PPP1R16B: variants seen among roughly 807,000 people sequenced by gnomAD.
The protein encoded by PPP1R16B is protein phosphatase 1 regulatory subunit 16B.
PPP1R16B carries 14 observed loss-of-function variants against 61.7 expected under a neutral mutation model. That is an observed-to-expected ratio of 0.23 (90% CI 0.15 to 0.35). The LOEUF is 0.35. Ranked by LOEUF, PPP1R16B falls within the 10% of genes least tolerant of loss-of-function variation. The pLI, the probability that PPP1R16B is intolerant of heterozygous loss-of-function variation, is 1.00. For synonymous variants in PPP1R16B, 266 were observed against 305.3 expected, an observed-to-expected ratio of 0.87 and a Z score of 1.34; for missense variants, 547 against 752.5, an observed-to-expected ratio of 0.73 and a Z score of 3.19.
At chr20:38,822,573 A>G (rs2084780100) in intron 1 of PPP1R16B, among the ~76,000 whole-genome samples, 1 of 150,764 alleles carries the variant, frequency 6.6e-6, no homozygotes, top group Non-Finnish European at 1.5e-5. Flanking sequence ...TGGTCCAGAA[A>G]GAGCTACTTT....
chr20:38,859,214 A>T (rs1391932181), intron 2 of PPP1R16B, among the ~76,000 whole-genome samples: 2 of 151,604 alleles, frequency 1.3e-5, no homozygotes, highest in South Asian at 4.2e-4. Flanking sequence ...TCTCTTGCTC[A>T]TGTGACAGCC....
At chr20:38,874,283 C>T (rs2085150898) in intron 2 of PPP1R16B, among the ~76,000 whole-genome samples, 1 of 152,152 alleles carries the variant, frequency 6.6e-6, no homozygotes, top group African/African-American at 2.4e-5. Flanking sequence ...GAAGACTGGG[C>T]CCTACATTCC....
chr20:38,831,646 C>G (rs1262128708), intron 1 of PPP1R16B, among the ~76,000 whole-genome samples: 1 of 152,222 alleles, frequency 6.6e-6, no homozygotes, highest in Non-Finnish European at 1.5e-5. Context: ...CAGCCCGACT[C>G]TACACCAGTT....
At chr20:38,872,879 G>A (rs978223489) in intron 2 of PPP1R16B, 4 of 152,344 alleles carry the variant, frequency 2.6e-5, no homozygotes, top group Non-Finnish European at 4.4e-5. Flanking sequence ...ATCGGGTGTC[G>A]GCACTAAGTT....
intron 2 of PPP1R16B, among the ~76,000 whole-genome samples, chr20:38,837,188 G>A (rs1051447552): frequency 1.3e-5 from 2 of 152,154 alleles, no homozygotes; most frequent in South Asian, 2.1e-4. Flanking sequence ...AGTTCCCTAC[G>A]TGAGCTTGAC....
intron 2 of PPP1R16B, among the ~76,000 whole-genome samples, chr20:38,863,871 A>G (rs1015288584): frequency 1.7e-4 from 26 of 152,260 alleles, no homozygotes; most frequent in African/African-American, 5.5e-4. Flanking sequence ...ATAAGTCTAC[A>G]TAAACACTTG....
chr20:38,844,105 T>C (rs1278975990), intron 2 of PPP1R16B, among the ~76,000 whole-genome samples: 2 of 152,254 alleles, frequency 1.3e-5, no homozygotes, highest in African/African-American at 4.8e-5. Context: ...ATGGTTCTTT[T>C]ACCCATGTGT....
chr20:38,906,911 C>T, intron 7 of PPP1R16B, 68 bp from the exon 8 acceptor site: 1 of 1,382,366 alleles, frequency 7.2e-7, no homozygotes. Context: ...GCCTTGGGCA[C>T]TCTCTCCACC....
chr20:38,849,831 CT>C, intron 2 of PPP1R16B, among the ~76,000 whole-genome samples: 1 of 152,312 alleles, frequency 6.6e-6, no homozygotes, highest in Non-Finnish European at 1.5e-5. Flanking sequence ...CCCCAAAAGT[CT>C]TCCTGGACAC....
At chr20:38,840,321 C>T (rs1601248374) in intron 2 of PPP1R16B, among the ~76,000 whole-genome samples, 1 of 152,218 alleles carries the variant, frequency 6.6e-6, no homozygotes, top group African/African-American at 2.4e-5. Context: ...CAACCTCCCC[C>T]ACCTGCCTGG....
rs944548872 is a variant in PPP1R16B, at chr20:38,907,036, A to G, written c.880A>G (p.Met294Val). 6.2e-7 allele frequency: 1 copy of G among 1,613,894 alleles called. No homozygotes were observed. Among genetic ancestry groups the G allele is most frequent in the Non-Finnish European group, 8.5e-7 (1 of 1,179,750 alleles). Reference sequence around the variant, plus strand: ...AGCTAGTCTCAGTGCAAGGACATCCATGGATGAGATGCCAATAGGTAAGTC... The same window carrying G: ...AGCTAGTCTCAGTGCAAGGACATCCGTGGATGAGATGCCAATAGGTAAGTC... ...HGASLSARTS[M>V]DEMPIDLCEE... The change falls in exon 8 of 11, where the codon ATG (methionine) becomes GTG (valine). Residue 294 changes from methionine to valine, a missense_variant. By Grantham distance (21) the Met-to-Val change is conservative. Coordinates refer to ENST00000299824, the MANE Select transcript of PPP1R16B (RefSeq NM_015568.4). This position sits in a 1 kb window ranked among gnomAD's most constrained non-coding sequence, Gnocchi z 4.5.
intron 2 of PPP1R16B, chr20:38,838,036 C>A (rs1015861351): frequency 6.6e-6 from 1 of 152,230 alleles, no homozygotes; most frequent in African/African-American, 2.4e-5. Flanking sequence ...ACCAAGGTGG[C>A]AGAGCGGGAT....
At position 38,892,254 on chromosome 20, in the gene PPP1R16B, A is replaced by T. The variant is rs181993975; in HGVS notation, c.321+2589A>T. Among the ~76,000 whole-genome samples the T allele has an allele frequency of 2.2e-3, 330 of 152,210 alleles. 2 individuals carry two copies. The highest frequency in any genetic ancestry group is 7.6e-3 in the African/African-American group (315 of 41,534). ...TTTAGCTTGGGGTTCCCGCCACCTC[A>T]CATAGTGCCTCAACTTCTTCCTTGT... On this transcript the variant is annotated intron_variant, in intron 3 of 10. Coordinates refer to ENST00000299824, the MANE Select transcript of PPP1R16B (RefSeq NM_015568.4).
rs183269111 is a variant in PPP1R16B at position 38,874,857 on chromosome 20, C to G, written c.251-14738C>G. On this transcript the variant is annotated intron_variant, in intron 2 of 10. Coordinates refer to ENST00000299824, the MANE Select transcript of PPP1R16B (RefSeq NM_015568.4). ...GGGCAAGTTAATTAAACTCACTGTG[C>G]CTCAGTATCCCCAACTGTAAAATAG... 1.8e-4 allele frequency among the ~76,000 whole-genome samples: 28 copies of G among 152,290 alleles called. No homozygotes were observed. In the East Asian group the frequency reaches 4.6e-3, roughly 25 times the overall value.
chr20:38,814,683 G>C (rs114157687), intron 1 of PPP1R16B, among the ~76,000 whole-genome samples: 55 of 152,158 alleles, frequency 3.6e-4, no homozygotes, highest in African/African-American at 1.3e-3. Context: ...CATTCATTTT[G>C]TTCACTAGGT....
rs898358286 is a variant in PPP1R16B at position 38,918,928 on chromosome 20, G to A, written c.*262G>A. On this transcript the variant is annotated 3_prime_UTR_variant, in exon 11 of 11. Coordinates refer to ENST00000299824, the MANE Select transcript of PPP1R16B (RefSeq NM_015568.4). The surrounding 1 kb of genome is among the most constrained non-coding windows in gnomAD (Gnocchi z 5.3). ...GGTTCACTCTGCTGTCTGATCTTGG[G>A]AGGGTGGGCTTGAGATCCCAGCTCT... is the stretch of plus-strand genomic sequence containing the variant. The A allele has an allele frequency of 6.4e-4, 264 of 413,312 alleles. 2 individuals are homozygous for A. Among genetic ancestry groups the A allele is most frequent in the Non-Finnish European group, 1.5e-4 (34 of 234,312 alleles). 25.6% of individuals were successfully genotyped at this position (413,312 alleles called of 1,614,324 possible).
intron 1 of PPP1R16B, among the ~76,000 whole-genome samples, chr20:38,821,013 CCTGGGTGA>C (rs2084769971): frequency 6.8e-6 from 1 of 147,646 alleles, no homozygotes; most frequent in Admixed American, 6.9e-5. Context: ...TGTACTCCAG[CCTGGGTGA>C]CAGAGCAAGA....
At position 38,907,341 on chromosome 20, in the gene PPP1R16B, G is replaced by T. The variant is rs1601310845; in HGVS notation, c.898+287G>T. Among the ~76,000 whole-genome samples, 1 of 143,426 alleles carries T rather than the reference G, an allele frequency of 7.0e-6. No individual in the cohort carries two copies. The highest frequency in any genetic ancestry group is 1.5e-5 in the Non-Finnish European group (1 of 64,860). The allele number at this position is 143,426 out of a possible 152,430, so 94.1% of individuals were successfully genotyped here. ...TGGATGGATGGATGGATGGATGGAT[G>T]GATGGATAGACAGAAAAATAAGTGG... On this transcript the variant is annotated intron_variant, in intron 8 of 10. Transcript: ENST00000299824. This position sits in a 1 kb window ranked among gnomAD's most constrained non-coding sequence, Gnocchi z 4.5.
intron 2 of PPP1R16B, among the ~76,000 whole-genome samples, chr20:38,852,839 T>A (rs369943936): frequency 2.2e-4 from 32 of 147,100 alleles, no homozygotes; most frequent in African/African-American, 7.9e-4. Context: ...AGTGGCATGA[T>A]CTCGGCTCAC....
Sources: allele counts gnomAD v4.1 joint callset (sites outside exome capture counted in the v4.1 genomes callset), GRCh38; gene constraint gnomAD v4.1.1; non-coding constraint Gnocchi (gnomAD v3.1); transcripts MANE v1.5; gene names NCBI Gene and HGNC (gene_info 2026-07-23, HGNC 2026-07-21).